The following ITGB3BP variants were observed in gnomAD, a reference collection of about 807,000 sequenced individuals.
ITGB3BP encodes the protein centromere protein R.
ITGB3BP carries 27 observed loss-of-function variants against 29.1 expected under a neutral mutation model. The observed-to-expected ratio is 0.93, with a 90% CI of 0.68 to 1.28. ITGB3BP has a LOEUF of 1.28. Ranked by LOEUF, ITGB3BP falls within the 50% of genes most tolerant of loss-of-function variation. The pLI is 0.00. For synonymous variants in ITGB3BP, 61 were observed against 61.4 expected, an observed-to-expected ratio of 0.99 and a Z score of 0.03; for missense variants, 192 against 200.2, an observed-to-expected ratio of 0.96 and a Z score of 0.25.
chr1:63,457,641 A>G (rs1166507108), intron 4 of ITGB3BP: 2 of 152,266 alleles, frequency 1.3e-5, no homozygotes, highest in African/African-American at 4.8e-5. Flanking sequence ...TTGGTGAGTA[A>G]AAGTATCATC....
chr1:63,479,731 A>G (rs1231652784), intron 3 of ITGB3BP, among the ~76,000 whole-genome samples: 1 of 152,120 alleles, frequency 6.6e-6, no homozygotes, highest in Non-Finnish European at 1.5e-5. Flanking sequence ...TTCCCTTAAC[A>G]TAATATTCTC....
intron 2 of ITGB3BP, among the ~76,000 whole-genome samples, chr1:63,505,912 C>T (rs551489258): frequency 3.3e-5 from 5 of 152,254 alleles, no homozygotes; most frequent in Non-Finnish European, 5.9e-5. Context: ...TTTACATTTG[C>T]TGAGGAGTGC....
intron 1 of ITGB3BP, among the ~76,000 whole-genome samples, chr1:63,511,060 G>A (rs1462098433): frequency 6.6e-6 from 1 of 152,074 alleles, no homozygotes; most frequent in Non-Finnish European, 1.5e-5. Flanking sequence ...GTTATAAGCA[G>A]CTCCTGTGGC....
intron 4 of ITGB3BP, 56 bp from the exon 5 acceptor site, chr1:63,455,024 A>T: frequency 1.2e-6 from 1 of 863,878 alleles, no homozygotes; most frequent in Admixed American, 2.0e-5. Flanking sequence ...AACATGGCAA[A>T]TCATTTTCAG....
Position 63,503,944 on chromosome 1 carries a change from C to T in ITGB3BP, c.48+4584G>A, listed in dbSNP as rs567921422. Among the ~76,000 whole-genome samples the T allele has an allele frequency of 4.0e-3, 615 of 152,020 alleles. 19 individuals carry two copies. The highest frequency in any genetic ancestry group is 0.013 in the African/African-American group (554 of 41,368). On this transcript the variant is annotated intron_variant, in intron 2 of 8. Transcript: ENST00000271002. The stretch of plus-strand genomic sequence containing the variant: ...TGTAGTATAGTTTGAAGTCAGGTAG[C>T]GTGATGCCTCTGGCTTTGTTCTTTT...
chr1:63,460,125 A>C (rs912840607), intron 4 of ITGB3BP, among the ~76,000 whole-genome samples: 3 of 152,126 alleles, frequency 2.0e-5, no homozygotes, highest in African/African-American at 7.2e-5. Flanking sequence ...TTTTTCTAAA[A>C]AAATTTCTTA....
chr1:63,497,418 T>C (rs1452338181), intron 2 of ITGB3BP, among the ~76,000 whole-genome samples: 1 of 152,170 alleles, frequency 6.6e-6, no homozygotes, highest in East Asian at 1.9e-4. Context: ...TGTCCTGCAT[T>C]GTTGCAGTAG....
chr1:63,498,206 G>A (rs192133473), intron 2 of ITGB3BP, among the ~76,000 whole-genome samples: 170 of 152,108 alleles, frequency 1.1e-3, no homozygotes, highest in Middle Eastern at 6.8e-3. Context: ...ATACCAACTA[G>A]ATTTAACAGA....
chr1:63,459,314 C>T (rs1328573594), intron 4 of ITGB3BP, among the ~76,000 whole-genome samples: 1 of 152,138 alleles, frequency 6.6e-6, no homozygotes, highest in African/African-American at 2.4e-5. Context: ...CACAAATACA[C>T]TACTAATTAA....
At chr1:63,465,875 ATTTAT>A (rs1053502630) in intron 4 of ITGB3BP, among the ~76,000 whole-genome samples, 28 of 152,062 alleles carry the variant, frequency 1.8e-4, no homozygotes, top group Admixed American at 5.2e-4. Context: ...TTTATTTTTT[ATTTAT>A]TTTAATTAAA....
At chr1:63,523,237 G>C, upstream of ITGB3BP, 1 of 1,490,492 alleles carries the variant, frequency 6.7e-7, no homozygotes, top group Non-Finnish European at 9.3e-7. Flanking sequence ...AAAAGCGCGC[G>C]CTGGACGTTG....
chr1:63,479,211 T>G (rs558936355), intron 3 of ITGB3BP, among the ~76,000 whole-genome samples: 9 of 152,220 alleles, frequency 5.9e-5, no homozygotes, highest in African/African-American at 2.2e-4. Flanking sequence ...CCACCTTTAT[T>G]TTTTTTCTCA....
intron 2 of ITGB3BP, among the ~76,000 whole-genome samples, chr1:63,506,273 CTTCT>C (rs1223654422): frequency 6.6e-6 from 1 of 152,104 alleles, no homozygotes; most frequent in Non-Finnish European, 1.5e-5. Flanking sequence ...ATGTAATGAC[CTTCT>C]TTGTCTCTTT....
At chr1:63,522,487 T>C (rs561561695) in intron 1 of ITGB3BP, among the ~76,000 whole-genome samples, 1 of 152,312 alleles carries the variant, frequency 6.6e-6, no homozygotes, top group Non-Finnish European at 1.5e-5. Flanking sequence ...GTAGCAACTA[T>C]TTTATGCATC....
At chr1:63,500,602 T>C (rs533927002) in intron 2 of ITGB3BP, among the ~76,000 whole-genome samples, 2 of 152,300 alleles carry the variant, frequency 1.3e-5, no homozygotes, top group South Asian at 4.1e-4. Context: ...TACTGAAAAC[T>C]ATGAAACATT....
At chr1:63,497,673 C>T (rs959115063) in intron 2 of ITGB3BP, among the ~76,000 whole-genome samples, 2 of 152,192 alleles carry the variant, frequency 1.3e-5, no homozygotes, top group South Asian at 2.1e-4. Context: ...AAATGCAGCT[C>T]GATGTTTACT....
At chr1:63,484,581 C>T (rs1173840701) in intron 3 of ITGB3BP, among the ~76,000 whole-genome samples, 1 of 151,964 alleles carries the variant, frequency 6.6e-6, no homozygotes, top group Non-Finnish European at 1.5e-5. Context: ...TTATTGATTC[C>T]TAATTGTATG....
intron 3 of ITGB3BP, among the ~76,000 whole-genome samples, chr1:63,484,050 T>C (rs1425478722): frequency 6.6e-6 from 1 of 152,160 alleles, no homozygotes; most frequent in East Asian, 1.9e-4. Flanking sequence ...GTTGGCCCTC[T>C]GTATTAGTGG....
At chr1:63,476,409 A>T (rs1292545879) in intron 4 of ITGB3BP, among the ~76,000 whole-genome samples, 1 of 152,180 alleles carries the variant, frequency 6.6e-6, no homozygotes, top group Non-Finnish European at 1.5e-5. Flanking sequence ...GCTCTTACTT[A>T]AACTCACTAA....
Sources: gnomAD v4.1 joint callset for allele counts (sites outside exome capture counted in the v4.1 genomes callset) on GRCh38, gnomAD v4.1.1 for gene constraint, MANE v1.5 for transcripts, NCBI Gene and HGNC (gene_info 2026-07-23, HGNC 2026-07-21) for gene names.